The following LPAR1 variants were observed in gnomAD, a reference collection of about 807,000 sequenced individuals.
The protein encoded by LPAR1 is LPA receptor 1.
Under a neutral mutation model 23.8 loss-of-function variants are expected in LPAR1, and 5 were observed. That is an observed-to-expected ratio of 0.21 (90% CI 0.11 to 0.44). LPAR1 has a LOEUF of 0.44. LPAR1 is among the 20% of genes least tolerant of loss of function. The probability of loss-of-function intolerance (pLI) is 0.99; values close to 1 mark genes in which losing one functional copy is unlikely to be tolerated. For missense variants in LPAR1, 311 were observed against 482.8 expected (o/e 0.64, Z 3.33); for synonymous variants, 160 against 164.7 (o/e 0.97, Z 0.22).
At chr9:110,996,587 T>C (rs1391936915) in intron 2 of LPAR1, among the ~76,000 whole-genome samples, 2 of 152,042 alleles carry the variant, frequency 1.3e-5, no homozygotes, top group Non-Finnish European at 2.9e-5. Flanking sequence ...GAAGGAAGCG[T>C]GTGCCAAAGG....
chr9:110,947,990 C>A (rs185422336), intron 4 of LPAR1, among the ~76,000 whole-genome samples: 2 of 152,114 alleles, frequency 1.3e-5, no homozygotes, highest in East Asian at 1.9e-4. Flanking sequence ...GGGGCGGGGG[C>A]CTGATTTGTA....
At chr9:110,909,586 C>T (rs1021826606) in intron 5 of LPAR1, among the ~76,000 whole-genome samples, 1 of 152,164 alleles carries the variant, frequency 6.6e-6, no homozygotes, top group African/African-American at 2.4e-5. Flanking sequence ...GATAGTGGCA[C>T]CTCTTCTCCA....
chr9:110,979,018 C>T (rs765483651), intron 2 of LPAR1, among the ~76,000 whole-genome samples: 13 of 151,914 alleles, frequency 8.6e-5, no homozygotes, highest in Non-Finnish European at 1.3e-4. Flanking sequence ...TCAGATCCAT[C>T]GTGTAGGACA....
At chr9:111,008,110 G>A (rs2097256895) in intron 2 of LPAR1, among the ~76,000 whole-genome samples, 1 of 151,654 alleles carries the variant, frequency 6.6e-6, no homozygotes, top group African/African-American at 2.4e-5. Context: ...GGAGGTGGAG[G>A]TTGCAGTGAG....
At chr9:110,882,660 G>A (rs2081202353) in intron 5 of LPAR1, among the ~76,000 whole-genome samples, 1 of 152,116 alleles carries the variant, frequency 6.6e-6, no homozygotes, top group Non-Finnish European at 1.5e-5. Context: ...CATAATAAAA[G>A]TGCAAGCACA....
At position 110,972,132 on chromosome 9, in the gene LPAR1, T is replaced by G. The variant is rs2096444530; in HGVS notation, c.-15A>C. ...ATGGCAGCCATGACAGCTCTGTGGT[T>G]GTAGGTGGTGAACACGCCCCAGAAC... On this transcript the variant is annotated 5_prime_UTR_variant, in exon 4 of 6. Coordinates refer to ENST00000683809, the MANE Select transcript of LPAR1 (RefSeq NM_001351411.2). 6.2e-7 allele frequency: 1 copy of G among 1,613,602 alleles called. No homozygotes were observed. Among genetic ancestry groups the G allele is most frequent in the African/African-American group, 1.3e-5 (1 of 74,914 alleles).
intron 4 of LPAR1, among the ~76,000 whole-genome samples, chr9:110,959,188 A>T (rs978600703): frequency 6.8e-6 from 1 of 147,718 alleles, no homozygotes; most frequent in Non-Finnish European, 1.5e-5. Context: ...AAAAAAAACC[A>T]CTAAAACCAG....
At chr9:110,986,701 ATAGC>A (rs2096789676) in intron 2 of LPAR1, among the ~76,000 whole-genome samples, 1 of 151,662 alleles carries the variant, frequency 6.6e-6, no homozygotes, top group Non-Finnish European at 1.5e-5. Context: ...AAGTGTCGAA[ATAGC>A]TAGTCAGAAT....
chr9:110,899,162 T>C (rs768302), intron 5 of LPAR1, among the ~76,000 whole-genome samples: 68,574 of 152,064 alleles, frequency 0.45, 17,126 homozygotes, highest in African/African-American at 0.68. Context: ...ATATAGGATA[T>C]TTAGGATGAG....
chr9:110,991,574 T>C (rs755795155), intron 2 of LPAR1, among the ~76,000 whole-genome samples: 1 of 83,198 alleles, frequency 1.2e-5, no homozygotes, highest in African/African-American at 3.7e-5. Context: ...ATCTTTCTGG[T>C]TTGTTTTGTT....
rs2078566487 is a variant in LPAR1, at chr9:110,873,732, C to T, written c.*1689G>A. 1 of 152,238 alleles carries T rather than the reference C, an allele frequency of 6.6e-6. No homozygotes were observed. Among genetic ancestry groups the T allele is most frequent in the Admixed American group, 6.5e-5 (1 of 15,276 alleles). The allele number at this position is 152,238 out of a possible 1,614,324, so 9.4% of individuals were successfully genotyped here. On this transcript the variant is annotated 3_prime_UTR_variant, in exon 6 of 6. Coordinates refer to ENST00000683809, the MANE Select transcript of LPAR1 (RefSeq NM_001351411.2). ...CGAATACACAGTAACCAACCACATACTGACACACTCAACCCATTTGCTACA... is the reference window on the plus strand; with the variant it reads ...CGAATACACAGTAACCAACCACATATTGACACACTCAACCCATTTGCTACA...
At chr9:111,007,004 T>C (rs888491177) in intron 2 of LPAR1, among the ~76,000 whole-genome samples, 1 of 152,128 alleles carries the variant, frequency 6.6e-6, no homozygotes, top group Non-Finnish European at 1.5e-5. Flanking sequence ...CAAGATATTG[T>C]CATTTAAAAG....
intron 2 of LPAR1, among the ~76,000 whole-genome samples, chr9:111,024,246 T>C (rs527665528): frequency 1.6e-4 from 24 of 151,808 alleles, no homozygotes; most frequent in African/African-American, 1.9e-4. Context: ...AATATTAGAC[T>C]GAACCGTACA....
chr9:110,909,497 T>G (rs1475290719), intron 5 of LPAR1, among the ~76,000 whole-genome samples: 6 of 152,196 alleles, frequency 3.9e-5, no homozygotes, highest in Admixed American at 3.3e-4. Flanking sequence ...AGCACCTTCC[T>G]GTACAGGCAC....
In LPAR1 at chr9:110,955,570, T is replaced by C. The variant is rs12003413; in HGVS notation, c.46-13402A>G. Among the ~76,000 whole-genome samples the C allele has an allele frequency of 9.0e-3, 1,373 of 152,250 alleles. 22 individuals carry two copies. Among genetic ancestry groups the C allele is most frequent in the African/African-American group, 0.031 (1,277 of 41,558 alleles). On this transcript the variant is annotated intron_variant, in intron 4 of 5. Transcript: ENST00000683809. Reference sequence around the variant, plus strand: ...ACACTTTACACAAAAATGGACCTAATAGACATTTAGAGAACATTTCATCCA... The same window carrying C: ...ACACTTTACACAAAAATGGACCTAACAGACATTTAGAGAACATTTCATCCA...
chr9:110,950,185 C>T (rs896561813), intron 4 of LPAR1, among the ~76,000 whole-genome samples: 13 of 152,006 alleles, frequency 8.6e-5, no homozygotes, highest in African/African-American at 2.9e-4. Context: ...CAAGGACAGG[C>T]GTGGTGGTTG....
At chr9:110,922,290 C>T (rs1017192128) in intron 5 of LPAR1, among the ~76,000 whole-genome samples, 119 of 152,108 alleles carry the variant, frequency 7.8e-4, no homozygotes, top group African/African-American at 2.6e-3. Flanking sequence ...CTCTGAACTA[C>T]GAGCATAAAG....
chr9:110,999,494 C>T, intron 2 of LPAR1: 2 of 454,556 alleles, frequency 4.4e-6, no homozygotes, highest in Non-Finnish European at 8.8e-6. Context: ...ATCCACTTGT[C>T]TTAGTCAGTT....
At chr9:110,915,533 G>A (rs140249074) in intron 5 of LPAR1, among the ~76,000 whole-genome samples, 1 of 152,072 alleles carries the variant, frequency 6.6e-6, no homozygotes, top group Non-Finnish European at 1.5e-5. Flanking sequence ...GAGACAGAGT[G>A]AGACTCTGTC....
Sources: gnomAD v4.1 joint callset for allele counts (sites outside exome capture counted in the v4.1 genomes callset) on GRCh38, gnomAD v4.1.1 for gene constraint, MANE v1.5 for transcripts, NCBI Gene and HGNC (gene_info 2026-07-23, HGNC 2026-07-21) for gene names.